NFATC3: variants seen among roughly 807,000 people sequenced by gnomAD.
NFATC3 encodes the protein nuclear factor of activated T cells 3, also known as nuclear factor of activated T-cells, cytoplasmic 3.
Under a neutral mutation model 98.6 loss-of-function variants are expected in NFATC3, and 46 were observed. The ratio of observed to expected loss-of-function variants is 0.47; its 90% CI spans 0.37 to 0.60. NFATC3 has a LOEUF of 0.60. NFATC3 is among the 20% of genes least tolerant of loss of function. NFATC3 has a pLI of 0.00. For synonymous variants in NFATC3, 512 were observed against 472.2 expected (o/e 1.08, Z -1.09); for missense variants, 1,256 against 1,295.5 (o/e 0.97, Z 0.47).
chr16:68,191,116 G>A lies in NFATC3; in HGVS notation c.2447G>A (p.Cys816Tyr), dbSNP rs1300720943. Residue 816 changes from cysteine (C) to tyrosine (Y), a missense_variant, in exon 9 of 10, where the codon TGT (cysteine) becomes TAT (tyrosine). Coordinates refer to ENST00000346183, the MANE Select transcript of NFATC3 (RefSeq NM_173165.3). The stretch of plus-strand genomic sequence containing the variant: ...AATGTTGTGTACAATGGACCAACTT[G>A]TCTTCCTATTAATGCTGCCTCTAGT... ...QTNVVYNGPT[C>Y]LPINAASSQE... The A allele has an allele frequency of 1.9e-6, 3 of 1,614,044 alleles. No homozygotes were observed. The highest frequency in any genetic ancestry group is 1.7e-5 in the Admixed American group (1 of 59,998).
intron 3 of NFATC3, among the ~76,000 whole-genome samples, chr16:68,136,537 A>G (rs558546385): frequency 1.3e-3 from 193 of 152,260 alleles, no homozygotes; most frequent in Non-Finnish European, 2.2e-3. Context: ...TCAAAGTGCT[A>G]GGATTATAGG....
chr16:68,155,787 A>G (rs2038582124), intron 3 of NFATC3, among the ~76,000 whole-genome samples: 1 of 152,140 alleles, frequency 6.6e-6, no homozygotes. Context: ...TTTTTATACT[A>G]AATGTCCATT....
At chr16:68,108,742 C>T (rs778553522) in intron 1 of NFATC3, among the ~76,000 whole-genome samples, 4 of 152,020 alleles carry the variant, frequency 2.6e-5, no homozygotes, top group Admixed American at 1.3e-4. Context: ...GTGTCCTCTC[C>T]GATTTCCTTG....
At chr16:68,168,860 T>TA (rs1435575032) in intron 5 of NFATC3, among the ~76,000 whole-genome samples, 9 of 152,206 alleles carry the variant, frequency 5.9e-5, no homozygotes, top group Non-Finnish European at 1.3e-4. Flanking sequence ...ATTGGAGTGA[T>TA]ACTTTATCAT....
At chr16:68,173,297 T>C (rs2039549919) in intron 5 of NFATC3, among the ~76,000 whole-genome samples, 1 of 151,984 alleles carries the variant, frequency 6.6e-6, no homozygotes, top group South Asian at 2.1e-4. Context: ...CCGGGCGCGG[T>C]GGCTCACACC....
At chr16:68,224,718 C>T (rs2041985023) in intron 9 of NFATC3, 1 of 151,498 alleles carries the variant, frequency 6.6e-6, no homozygotes. Context: ...CTCCTTATAG[C>T]CATATGAGTT....
chr16:68,119,059 G>A (rs1044997525), intron 1 of NFATC3, among the ~76,000 whole-genome samples: 1 of 152,114 alleles, frequency 6.6e-6, no homozygotes, highest in Non-Finnish European at 1.5e-5. Flanking sequence ...AGTAGAGATG[G>A]GGTTTCACCG....
chr16:68,161,157 G>A (rs2038875946), intron 4 of NFATC3, among the ~76,000 whole-genome samples: 2 of 152,142 alleles, frequency 1.3e-5, no homozygotes, highest in South Asian at 4.1e-4. Context: ...ATACAAGTAG[G>A]CTTCTTCCCT....
intron 9 of NFATC3, 135 bp downstream of exon 9, chr16:68,191,910 T>C (rs996450292): frequency 1.8e-5 from 17 of 939,142 alleles, no homozygotes; most frequent in African/African-American, 3.4e-5. Flanking sequence ...ATTAGAAATA[T>C]ATGTTAATAT....
intron 9 of NFATC3, among the ~76,000 whole-genome samples, chr16:68,202,706 G>A (rs906370276): frequency 6.6e-6 from 1 of 152,066 alleles, no homozygotes; most frequent in African/African-American, 2.4e-5. Flanking sequence ...CAGCTACTCG[G>A]GAGGCTGAGG....
chr16:68,193,378 T>C (rs2040528286), intron 9 of NFATC3, among the ~76,000 whole-genome samples: 1 of 152,190 alleles, frequency 6.6e-6, no homozygotes, highest in South Asian at 2.1e-4. Flanking sequence ...ACAGTCACCC[T>C]GTGGAACCCA....
chr16:68,186,195 A>G (rs2040192785), intron 8 of NFATC3, among the ~76,000 whole-genome samples: 1 of 152,072 alleles, frequency 6.6e-6, no homozygotes, highest in Non-Finnish European at 1.5e-5. Context: ...AATTTTTACA[A>G]AAGTCAGTAC....
intron 3 of NFATC3, among the ~76,000 whole-genome samples, chr16:68,152,080 A>G (rs2038357172): frequency 2.1e-5 from 3 of 146,290 alleles, no homozygotes; most frequent in African/African-American, 7.8e-5. Flanking sequence ...AAAAAAAAAA[A>G]GGCTGGGTGC....
intron 1 of NFATC3, among the ~76,000 whole-genome samples, chr16:68,105,786 C>A (rs1431087354): frequency 6.6e-6 from 1 of 152,098 alleles, no homozygotes; most frequent in Non-Finnish European, 1.5e-5. Context: ...TTTTCTTTTT[C>A]TTCTGAGTCA....
At chr16:68,115,583 C>G (rs1000019222) in intron 1 of NFATC3, among the ~76,000 whole-genome samples, 1 of 151,872 alleles carries the variant, frequency 6.6e-6, no homozygotes. Context: ...CGGCACCATG[C>G]CCAGCTAATT....
intron 1 of NFATC3, among the ~76,000 whole-genome samples, chr16:68,111,932 A>G (rs1037707916): frequency 2.6e-5 from 4 of 152,176 alleles, no homozygotes; most frequent in Admixed American, 2.0e-4. Flanking sequence ...TTTTCTAAGA[A>G]TGTTGAATAT....
chr16:68,112,359 C>T (rs1349616942), intron 1 of NFATC3, among the ~76,000 whole-genome samples: 4 of 140,778 alleles, frequency 2.8e-5, no homozygotes, highest in African/African-American at 8.0e-5. Flanking sequence ...CTTACTGCAA[C>T]CTCCACCTCC....
chr16:68,213,458 A>AT (rs1055178094), intron 9 of NFATC3, among the ~76,000 whole-genome samples: 1 of 148,910 alleles, frequency 6.7e-6, no homozygotes, highest in African/African-American at 2.6e-5. Flanking sequence ...AAAAATAAAA[A>AT]TTAAAAAAAA....
intron 5 of NFATC3, among the ~76,000 whole-genome samples, chr16:68,172,068 C>T (rs13330541): frequency 0.027 from 4,070 of 150,630 alleles, 174 homozygotes; most frequent in African/African-American, 0.092. Context: ...CTCCTGACCT[C>T]GTTATCCGCC....
Sources: gnomAD v4.1 joint callset for allele counts (sites outside exome capture counted in the v4.1 genomes callset) on GRCh38, gnomAD v4.1.1 for gene constraint, MANE v1.5 for transcripts, NCBI Gene and HGNC (gene_info 2026-07-23, HGNC 2026-07-21) for gene names.